Variants in CDH4 observed in about 807,000 individuals in gnomAD.
CDH4 encodes cadherin 4, also known as cadherin-4.
A neutral mutation model predicts 86.0 loss-of-function variants in CDH4; 33 were observed. That is an observed-to-expected ratio of 0.38 (90% CI 0.29 to 0.51). CDH4 has a LOEUF of 0.51. CDH4 is among the 20% of genes least tolerant of loss of function. The pLI, the probability that CDH4 is intolerant of heterozygous loss-of-function variation, is 0.86. For synonymous variants in CDH4, 555 were observed against 549.4 expected, an observed-to-expected ratio of 1.01 and a Z score of -0.14; for missense variants, 1,114 against 1,307.4, an observed-to-expected ratio of 0.85 and a Z score of 2.28.
chr20:61,521,712 A>G (rs1332016452), intron 2 of CDH4, among the ~76,000 whole-genome samples: 1 of 152,182 alleles, frequency 6.6e-6, no homozygotes, highest in African/African-American at 2.4e-5. Context: ...ATTCATAATA[A>G]GAGGGGGGTG....
At chr20:61,820,360 G>A (rs1228409322) in intron 4 of CDH4, among the ~76,000 whole-genome samples, 3 of 152,236 alleles carry the variant, frequency 2.0e-5, no homozygotes, top group Non-Finnish European at 4.4e-5. Context: ...TACCACTGAG[G>A]CCAGGCTGGT....
chr20:61,343,234 A>G (rs2084658342), intron 2 of CDH4, among the ~76,000 whole-genome samples: 1 of 152,242 alleles, frequency 6.6e-6, no homozygotes, highest in African/African-American at 2.4e-5. Flanking sequence ...AGCATGCGTA[A>G]TGTGGATAAG....
intron 2 of CDH4, among the ~76,000 whole-genome samples, chr20:61,311,733 A>C: frequency 6.6e-6 from 1 of 152,248 alleles, no homozygotes; most frequent in East Asian, 1.9e-4. Flanking sequence ...AAAAAAATTG[A>C]CGAACTATCT....
At chr20:61,267,360 G>A (rs182732841) in intron 2 of CDH4, among the ~76,000 whole-genome samples, 9 of 152,252 alleles carry the variant, frequency 5.9e-5, no homozygotes, top group African/African-American at 9.6e-5. Context: ...TTTAGCCTCC[G>A]ATTCCCCAGG....
rs550078035 is a variant in CDH4, at chr20:61,937,180, G to A, written c.*237G>A. On this transcript the variant is annotated 3_prime_UTR_variant, in exon 16 of 16. Transcript: ENST00000614565. ...ACTGAAGGACAGCAAGAGGCACTCT[G>A]TCTTCACTTGAATTTCCTAGAACAG... The A allele has an allele frequency of 4.8e-5, 8 of 165,186 alleles. No homozygotes were observed. In the East Asian group the frequency reaches 1.1e-3, roughly 22 times the overall value. 10.2% of individuals were successfully genotyped at this position (165,186 alleles called of 1,614,324 possible).
chr20:61,351,353 G>A (rs2084711302), intron 2 of CDH4, among the ~76,000 whole-genome samples: 2 of 152,174 alleles, frequency 1.3e-5, no homozygotes, highest in Non-Finnish European at 2.9e-5. Context: ...TCTATGCGAG[G>A]GGGTGCCTGG....
intron 2 of CDH4, among the ~76,000 whole-genome samples, chr20:61,716,865 A>T (rs1046319629): frequency 6.6e-6 from 1 of 152,160 alleles, no homozygotes; most frequent in African/African-American, 2.4e-5. Flanking sequence ...CTGAGATCCC[A>T]CCACTGTACT....
intron 2 of CDH4, among the ~76,000 whole-genome samples, chr20:61,686,648 C>A (rs1457024675): frequency 7.8e-6 from 1 of 127,468 alleles, no homozygotes; most frequent in Non-Finnish European, 1.6e-5. Flanking sequence ...TGTGCATTCG[C>A]GTGTGTGCAT....
chr20:61,637,096 C>A (rs938440658), intron 2 of CDH4, among the ~76,000 whole-genome samples: 57 of 152,132 alleles, frequency 3.7e-4, no homozygotes, highest in African/African-American at 1.3e-3. Flanking sequence ...TTGCTTTTTG[C>A]TTTTGTTTGT....
At chr20:61,268,510 G>T (rs1271085625) in intron 2 of CDH4, among the ~76,000 whole-genome samples, 1 of 152,228 alleles carries the variant, frequency 6.6e-6, no homozygotes, top group Non-Finnish European at 1.5e-5. Flanking sequence ...GTTTTCTTCA[G>T]GGGGTGCTAT....
intron 2 of CDH4, among the ~76,000 whole-genome samples, chr20:61,728,367 G>GA (rs1351473170): frequency 1.3e-5 from 2 of 151,626 alleles, no homozygotes; most frequent in African/African-American, 4.8e-5. Context: ...ATGTTATTTA[G>GA]ATGGTGCCTT....
chr20:61,480,942 A>C lies in CDH4; in HGVS notation c.169+226005A>C, dbSNP rs1049804388. 6.6e-6 allele frequency among the ~76,000 whole-genome samples: 1 copy of C among 152,190 alleles called. No homozygotes were observed. Among genetic ancestry groups the C allele is most frequent in the Non-Finnish European group, 1.5e-5 (1 of 68,036 alleles). ...ATACAACTCGGATGCTACTGTTTATAAAGTGTGTCCACGTTGATGATTCTG... is the reference window on the plus strand; with the variant it reads ...ATACAACTCGGATGCTACTGTTTATCAAGTGTGTCCACGTTGATGATTCTG... On this transcript the variant is annotated intron_variant, in intron 2 of 15. Coordinates refer to ENST00000614565, the MANE Select transcript of CDH4 (RefSeq NM_001794.5). This position sits in a 1 kb window ranked among gnomAD's most constrained non-coding sequence, Gnocchi z 5.2.
At chr20:61,257,151 G>A (rs2084103007) in intron 2 of CDH4, among the ~76,000 whole-genome samples, 1 of 152,112 alleles carries the variant, frequency 6.6e-6, no homozygotes, top group Non-Finnish European at 1.5e-5. Context: ...TTAATTTGAC[G>A]AGTGAAGCTT....
At chr20:61,355,240 G>A (rs2084741990) in intron 2 of CDH4, among the ~76,000 whole-genome samples, 1 of 152,162 alleles carries the variant, frequency 6.6e-6, no homozygotes, top group South Asian at 2.1e-4. Context: ...GAGTCAAGGG[G>A]GTGACCAAGA....
intron 2 of CDH4, among the ~76,000 whole-genome samples, chr20:61,327,827 C>T (rs1003769060): frequency 6.6e-6 from 1 of 152,170 alleles, no homozygotes; most frequent in Admixed American, 6.5e-5. Flanking sequence ...ACATCTCTAG[C>T]AGCTGAGGAC....
At chr20:61,390,208 G>A (rs113937519) in intron 2 of CDH4, among the ~76,000 whole-genome samples, 162 of 112,466 alleles carry the variant, frequency 1.4e-3, no homozygotes, top group East Asian at 0.013. Flanking sequence ...GAGATCGTGC[G>A]GTCATAGGGT....
intron 4 of CDH4, among the ~76,000 whole-genome samples, chr20:61,785,589 G>A (rs570881451): frequency 1.2e-4 from 18 of 151,228 alleles, no homozygotes; most frequent in African/African-American, 3.7e-4. Flanking sequence ...ACCCAGGTGC[G>A]CAGAGCCCTC....
At chr20:61,572,609 A>G (rs369749504) in intron 2 of CDH4, among the ~76,000 whole-genome samples, 11 of 152,254 alleles carry the variant, frequency 7.2e-5, no homozygotes, top group Non-Finnish European at 1.0e-4. Context: ...TCCACGCTGC[A>G]TGGTGAGGAC....
intron 2 of CDH4, among the ~76,000 whole-genome samples, chr20:61,261,921 G>A (rs1273133266): frequency 6.6e-6 from 1 of 152,234 alleles, no homozygotes; most frequent in East Asian, 1.9e-4. Context: ...CTTCTGTGAT[G>A]CCAGTGGGAG....
Sources: gnomAD v4.1 joint callset for allele counts (sites outside exome capture counted in the v4.1 genomes callset) on GRCh38, gnomAD v4.1.1 for gene constraint, Gnocchi (gnomAD v3.1) non-coding constraint, MANE v1.5 for transcripts, NCBI Gene and HGNC (gene_info 2026-07-23, HGNC 2026-07-21) for gene names.